Variants in MAN1C1 observed in about 807,000 individuals in gnomAD.
The protein encoded by MAN1C1 is mannosidase alpha class 1C member 1, also known as mannosyl-oligosaccharide 1,2-alpha-mannosidase IC.
Under a neutral mutation model 71.5 loss-of-function variants are expected in MAN1C1, and 49 were observed. That is an observed-to-expected ratio of 0.69 (90% CI 0.54 to 0.87). The LOEUF is 0.87. MAN1C1 is among the 40% of genes least tolerant of loss of function. MAN1C1 has a pLI of 0.00. For synonymous variants in MAN1C1, 352 were observed against 343.7 expected, an observed-to-expected ratio of 1.02 and a Z score of -0.27; for missense variants, 743 against 835.0, an observed-to-expected ratio of 0.89 and a Z score of 1.36.
chr1:25,676,062 C>T (rs1557760286), intron 1 of MAN1C1, among the ~76,000 whole-genome samples: 2 of 152,298 alleles, frequency 1.3e-5, no homozygotes, highest in East Asian at 3.9e-4. Context: ...CTGGGTGGCC[C>T]TACTCCTGGT....
At chr1:25,729,308 A>T (rs2744767) in intron 2 of MAN1C1, among the ~76,000 whole-genome samples, 16,555 of 152,024 alleles carry the variant, frequency 0.11, 1,414 homozygotes, top group African/African-American at 0.23. Flanking sequence ...GTTCCTGCTC[A>T]TCCTTCCCGA....
At chr1:25,651,294 C>G (rs1319689578) in intron 1 of MAN1C1, among the ~76,000 whole-genome samples, 1 of 152,232 alleles carries the variant, frequency 6.6e-6, no homozygotes, top group Non-Finnish European at 1.5e-5. Context: ...ACAGACTTCC[C>G]TGAGTGACAG....
At chr1:25,702,709 G>C (rs894461570) in intron 2 of MAN1C1, among the ~76,000 whole-genome samples, 1 of 152,202 alleles carries the variant, frequency 6.6e-6, no homozygotes. Context: ...CTACCTCATA[G>C]GGTAGTTGTG....
chr1:25,706,302 A>G (rs1186695035), intron 2 of MAN1C1, among the ~76,000 whole-genome samples: 1 of 152,222 alleles, frequency 6.6e-6, no homozygotes, highest in Non-Finnish European at 1.5e-5. Context: ...AGGATCACAA[A>G]GCATTGTCCC....
In MAN1C1 at chr1:25,751,725, T is replaced by A. The variant is rs2047218996; in HGVS notation, c.835-1759T>A. On this transcript the variant is annotated intron_variant, in intron 4 of 11. Transcript: ENST00000374332. ...GCCTCGGATGGCCCCATCAGGTGCA[T>A]GTTATCACCGATTTGCAGATGAGGA... 3.3e-5 allele frequency among the ~76,000 whole-genome samples: 5 copies of A among 152,332 alleles called. No homozygotes were observed. The South Asian group carries it at 1.0e-3, about 32-fold the overall frequency.
intron 1 of MAN1C1, among the ~76,000 whole-genome samples, chr1:25,651,209 G>A (rs2045687379): frequency 6.6e-6 from 1 of 152,242 alleles, no homozygotes; most frequent in Admixed American, 6.5e-5. Flanking sequence ...ACTTTCTTCT[G>A]TCCCAGAGGA....
intron 2 of MAN1C1, among the ~76,000 whole-genome samples, chr1:25,718,444 G>A (rs1234652413): frequency 6.6e-6 from 1 of 152,124 alleles, no homozygotes; most frequent in African/African-American, 2.4e-5. Context: ...AAATAATTTT[G>A]TTGACACATA....
chr1:25,729,805 T>C (rs2046885511), intron 2 of MAN1C1, among the ~76,000 whole-genome samples: 1 of 152,084 alleles, frequency 6.6e-6, no homozygotes. Flanking sequence ...CCCCCGTGCC[T>C]GGCCAGGCAT....
chr1:25,763,599 G>T (rs2047389808), intron 6 of MAN1C1: 1 of 396,100 alleles, frequency 2.5e-6, no homozygotes. Context: ...CGGCCAGGCA[G>T]TGGTTCTGGG....
chr1:25,727,866 C>T (rs765417558), intron 2 of MAN1C1, among the ~76,000 whole-genome samples: 22 of 152,346 alleles, frequency 1.4e-4, no homozygotes, highest in Admixed American at 3.3e-4. Context: ...AGAGCCTGGC[C>T]GAGGACACCA....
chr1:25,747,507 G>A (rs1299638897), intron 3 of MAN1C1, among the ~76,000 whole-genome samples: 1 of 152,196 alleles, frequency 6.6e-6, no homozygotes, highest in Non-Finnish European at 1.5e-5. Context: ...AGACCGGGAG[G>A]GGCCGCATCC....
rs144394963 is a variant in MAN1C1, at chr1:25,723,272, A to G, written c.638-23396A>G. Among the ~76,000 whole-genome samples, 189 of 152,284 alleles carry G rather than the reference A, an allele frequency of 1.2e-3. 1 individual carries two copies. The highest frequency in any genetic ancestry group is 4.3e-3 in the African/African-American group (179 of 41,556). ...ACTCTGCCTCTGGTTTTCTGCTGGG[A>G]TGAGAGGAAACATTTTCTTGGCAGA... On this transcript the variant is annotated intron_variant, in intron 2 of 11. Transcript: ENST00000374332.
intron 6 of MAN1C1, chr1:25,760,211 C>T (rs2047343064): frequency 6.6e-6 from 1 of 152,218 alleles, no homozygotes; most frequent in Admixed American, 6.5e-5. Context: ...TCTACTCTTC[C>T]CAACAACCCT....
Position 25,735,072 on chromosome 1 carries a change from A to G in MAN1C1, c.638-11596A>G, listed in dbSNP as rs547414679. Among the ~76,000 whole-genome samples, 2 of 152,194 alleles carry G rather than the reference A, an allele frequency of 1.3e-5. No individual in the cohort carries two copies. The highest frequency in any genetic ancestry group is 2.9e-5 in the Non-Finnish European group (2 of 68,038). ...CTGGAGGCTGGAGAGAGTGGGCCAC[A>G]TGGAAGCAGTAGTTTGCCTAGAATG... is the stretch of plus-strand genomic sequence containing the variant. On this transcript the variant is annotated intron_variant, in intron 2 of 11. Transcript: ENST00000374332. The surrounding 1 kb of genome is among the most constrained non-coding windows in gnomAD (Gnocchi z 4.6).
intron 1 of MAN1C1, among the ~76,000 whole-genome samples, chr1:25,657,392 T>G (rs1235578201): frequency 6.6e-6 from 1 of 152,166 alleles, no homozygotes. Context: ...GTGGTGGTGC[T>G]TGATGTAGGG....
At position 25,684,472 on chromosome 1, in the gene MAN1C1, C is replaced by T. The variant is rs572189232; in HGVS notation, c.541-1968C>T. Among the ~76,000 whole-genome samples, 7 of 152,276 alleles carry T rather than the reference C, an allele frequency of 4.6e-5. No homozygotes were observed. The South Asian group carries it at 8.3e-4, about 18-fold the overall frequency. ...TCAGCTGCCCTGGGAGATGAGTGAA[C>T]GGGGTTCTGGCCTGGCTGCTGTGCT... On this transcript the variant is annotated intron_variant, in intron 1 of 11. Transcript: ENST00000374332.
chr1:25,780,263 T>C (rs1201334743), intron 9 of MAN1C1, among the ~76,000 whole-genome samples: 1 of 152,180 alleles, frequency 6.6e-6, no homozygotes, highest in Non-Finnish European at 1.5e-5. Flanking sequence ...TATGGCCATA[T>C]GACAAGAATG....
intron 4 of MAN1C1, among the ~76,000 whole-genome samples, chr1:25,752,349 T>C (rs2047228243): frequency 6.6e-6 from 1 of 152,170 alleles, no homozygotes; most frequent in Non-Finnish European, 1.5e-5. Flanking sequence ...GTATTTTTGG[T>C]AGAGACGGGG....
intron 7 of MAN1C1, among the ~76,000 whole-genome samples, chr1:25,770,241 C>T (rs972223245): frequency 3.9e-5 from 6 of 152,210 alleles, no homozygotes; most frequent in South Asian, 2.1e-4. Flanking sequence ...CCAGCTCCTC[C>T]CCAAAGCACA....
Sources: allele counts gnomAD v4.1 joint callset (sites outside exome capture counted in the v4.1 genomes callset), GRCh38; gene constraint gnomAD v4.1.1; non-coding constraint Gnocchi (gnomAD v3.1); transcripts MANE v1.5; gene names NCBI Gene and HGNC (gene_info 2026-07-23, HGNC 2026-07-21).